VPS13C: variants seen among roughly 807,000 people sequenced by gnomAD.
VPS13C encodes the protein intermembrane lipid transfer protein VPS13C.
Under a neutral mutation model 456.8 loss-of-function variants are expected in VPS13C, and 358 were observed. That is an observed-to-expected ratio of 0.78 (90% CI 0.72 to 0.86). The LOEUF (loss-of-function observed/expected upper bound fraction) is 0.86, where lower values mean the gene tolerates loss of function less well. Among genes scored for constraint, VPS13C ranks in the 40% least tolerant of loss-of-function variants. The pLI is 0.00. For missense variants in VPS13C, 4,818 were observed against 4,385.4 expected, an observed-to-expected ratio of 1.10 and a Z score of -2.79; for synonymous variants, 1,578 against 1,486.7, an observed-to-expected ratio of 1.06 and a Z score of -1.41.
intron 9 of VPS13C, among the ~76,000 whole-genome samples, chr15:62,017,172 A>T (rs566972197): frequency 1.3e-5 from 2 of 152,204 alleles, no homozygotes; most frequent in South Asian, 2.1e-4. Context: ...TTCTTTGTAG[A>T]TTCTGGATAT....
chr15:61,867,896 T>C lies in VPS13C; in HGVS notation c.10863+763A>G. ...CACAGTTTGTTTTGATTTTTAAGGA[T>C]GAAATCAAGTAGTAGTTTAGGAAAC... On this transcript the variant is annotated intron_variant, in intron 81 of 84. Transcript: ENST00000644861. The surrounding 1 kb of genome is among the most constrained non-coding windows in gnomAD (Gnocchi z 5.0). The C allele has an allele frequency of 2.5e-6, 4 of 1,605,794 alleles. No individual in the cohort carries two copies. The highest frequency in any genetic ancestry group is 3.4e-6 in the Non-Finnish European group (4 of 1,175,974).
intron 2 of VPS13C, among the ~76,000 whole-genome samples, chr15:62,043,737 G>A (rs1420077900): frequency 6.6e-6 from 1 of 152,292 alleles, no homozygotes. Flanking sequence ...GGGGGATGGA[G>A]GGCATTGTTT....
Position 62,021,292 on chromosome 15 carries a change from C to T in VPS13C, c.625-754G>A, listed in dbSNP as rs1384010617. On this transcript the variant is annotated intron_variant, in intron 8 of 84. Transcript: ENST00000644861. ...TGCACTTGTACTCCTTAAATTTACA[C>T]ATTTTAAAAAAAAGGCTTTCATACT... 5.9e-5 allele frequency among the ~76,000 whole-genome samples: 9 copies of T among 151,826 alleles called. No individual in the cohort carries two copies. In the South Asian group the frequency reaches 1.9e-3, roughly 32 times the overall value.
intron 18 of VPS13C, among the ~76,000 whole-genome samples, chr15:61,988,295 A>C (rs551414537): frequency 1.3e-5 from 2 of 152,214 alleles, no homozygotes; most frequent in African/African-American, 4.8e-5. Flanking sequence ...GGTGTATTCA[A>C]TTGTCCAAAT....
intron 40 of VPS13C, 42 bp downstream of exon 40, chr15:61,950,903 T>A: frequency 7.6e-7 from 1 of 1,313,860 alleles, no homozygotes; most frequent in African/African-American, 1.5e-5. Flanking sequence ...TATAACTTCA[T>A]ATATTCAAAT....
intron 3 of VPS13C, 40 bp downstream of exon 3, chr15:62,041,284 T>C (rs752908477): frequency 1.3e-5 from 20 of 1,574,344 alleles, no homozygotes; most frequent in African/African-American, 8.3e-5. Flanking sequence ...TAGAAAACAA[T>C]AGGACCAAGA....
chr15:61,945,588 A>G (rs1418143296), intron 45 of VPS13C, 127 bp downstream of exon 45: 8 of 597,384 alleles, frequency 1.3e-5, no homozygotes, highest in African/African-American at 1.3e-4. Flanking sequence ...AAATATTAAC[A>G]TTCTGTTCAG....
At chr15:62,005,939 G>C (rs537780772) in intron 15 of VPS13C, among the ~76,000 whole-genome samples, 2 of 151,436 alleles carry the variant, frequency 1.3e-5, no homozygotes, top group South Asian at 4.2e-4. Flanking sequence ...CCAGACCTCA[G>C]GTGATCCGCC....
Position 61,956,592 on chromosome 15 carries a change from T to C in VPS13C, c.4165+2016A>G, listed in dbSNP as rs146029784. Among the ~76,000 whole-genome samples, 622 of 152,212 alleles carry C rather than the reference T, an allele frequency of 4.1e-3. 4 individuals are homozygous for C. Among genetic ancestry groups the C allele is most frequent in the Middle Eastern group, 3.4e-3 (1 of 294 alleles). ...AACAAAGGGCTCATATTCAGAATTT[T>C]AAAACTACATATCAATAAGAAAAAA... is the stretch of plus-strand genomic sequence containing the variant. On this transcript the variant is annotated intron_variant, in intron 37 of 84. Transcript: ENST00000644861.
chr15:62,006,420 C>A (rs1289303623), intron 15 of VPS13C, among the ~76,000 whole-genome samples: 2 of 152,130 alleles, frequency 1.3e-5, no homozygotes, highest in Non-Finnish European at 2.9e-5. Context: ...CATGTCCCTA[C>A]AAGGGACATG....
In VPS13C at chr15:61,939,757, G is replaced by A. The variant is rs571409137; in HGVS notation, c.5601+890C>T. On this transcript the variant is annotated intron_variant, in intron 47 of 84. Coordinates refer to ENST00000644861, the MANE Select transcript of VPS13C (RefSeq NM_020821.3). The stretch of plus-strand genomic sequence containing the variant: ...CGCCTGTAGTCCCAGCATTTTGGGA[G>A]GCCGAGGAGGGTGGATCACCTAAGG... 5.6e-4 allele frequency among the ~76,000 whole-genome samples: 85 copies of A among 152,300 alleles called. 2 individuals carry two copies. In the South Asian group the frequency reaches 8.3e-3, roughly 15 times the overall value.
intron 12 of VPS13C, among the ~76,000 whole-genome samples, chr15:62,011,176 G>A (rs1567107198): frequency 6.6e-6 from 1 of 152,076 alleles, no homozygotes; most frequent in Non-Finnish European, 1.5e-5. Flanking sequence ...GATGATAGGG[G>A]AATGCAAGGT....
At chr15:62,025,996 C>T (rs890247874) in intron 6 of VPS13C, among the ~76,000 whole-genome samples, 2 of 146,838 alleles carry the variant, frequency 1.4e-5, no homozygotes, top group Non-Finnish European at 3.0e-5. Flanking sequence ...TACATTCTTA[C>T]AAATCTCTTT....
At chr15:62,052,672 C>CA (rs35444089) in intron 1 of VPS13C, among the ~76,000 whole-genome samples, 1,571 of 70,142 alleles carry the variant, frequency 0.022, 61 homozygotes, top group African/African-American at 0.068. Context: ...GACTCCGTCT[C>CA]AAAAAAAAAA....
At chr15:61,866,544 T>C (rs1894606307) in intron 81 of VPS13C, 11 of 984,954 alleles carry the variant, frequency 1.1e-5, no homozygotes, top group Admixed American at 6.2e-5. Context: ...AGGGTAACTA[T>C]TGGAGATGAT....
intron 15 of VPS13C, among the ~76,000 whole-genome samples, chr15:62,003,307 T>G (rs1273930724): frequency 6.6e-6 from 1 of 151,104 alleles, no homozygotes; most frequent in African/African-American, 2.5e-5. Flanking sequence ...CACTCATGAT[T>G]TGGCTCTCCG....
chr15:61,883,533 A>G (rs757503954), intron 68 of VPS13C, among the ~76,000 whole-genome samples: 1 of 152,164 alleles, frequency 6.6e-6, no homozygotes, highest in Non-Finnish European at 1.5e-5. Flanking sequence ...TGATTAAACT[A>G]GAGCAAGCTG....
Position 61,854,923 on chromosome 15 carries a change from G to C in VPS13C, c.11108C>G (p.Ala3703Gly), listed in dbSNP as rs1893824044. ...EQGLFHKKDS[A>G]NQGCVRKVYL... is the part of the protein sequence containing the mutation. ...AACTTTTCGAACACAGCCTTGATTG[G>C]CACTGTCTTTTTTGTGGAACAGACC... Residue 3703 changes from alanine (A) to glycine (G), a missense_variant, in exon 84 of 85, where the codon GCC (alanine) becomes GGC (glycine). Physicochemically the swap from Ala to Gly is moderately conservative, Grantham distance 60. This residue lies in a region of VPS13C where 261 missense variants were observed against 234.1 expected (regional missense o/e 1.11). Transcript: ENST00000644861. The C allele has an allele frequency of 2.5e-6, 4 of 1,612,988 alleles. No individual in the cohort carries two copies. Among genetic ancestry groups the C allele is most frequent in the Non-Finnish European group, 3.4e-6 (4 of 1,179,680 alleles).
chr15:61,995,201 T>C (rs1162806474), intron 16 of VPS13C, among the ~76,000 whole-genome samples: 1 of 152,238 alleles, frequency 6.6e-6, no homozygotes, highest in Non-Finnish European at 1.5e-5. Context: ...CATGGTGGCA[T>C]AAGCCATCTT....
Sources: allele counts gnomAD v4.1 joint callset (sites outside exome capture counted in the v4.1 genomes callset), GRCh38; gene constraint gnomAD v4.1.1; regional missense constraint gnomAD v4.1.1; non-coding constraint Gnocchi (gnomAD v3.1); transcripts MANE v1.5; gene names NCBI Gene and HGNC (gene_info 2026-07-23, HGNC 2026-07-21).